CSMD3: variants seen among roughly 807,000 people sequenced by gnomAD.
CSMD3 encodes the protein CUB and Sushi multiple domains 3, also known as CUB and sushi domain-containing protein 3.
In CSMD3, 177 loss-of-function variants were observed where a neutral mutation model predicts 435.2. That is an observed-to-expected ratio of 0.41 (90% CI 0.36 to 0.46). The LOEUF (loss-of-function observed/expected upper bound fraction) is 0.46, where lower values mean the gene tolerates loss of function less well. Among genes scored for constraint, CSMD3 ranks in the 20% least tolerant of loss-of-function variants. The pLI, the probability that CSMD3 is intolerant of heterozygous loss-of-function variation, is 0.34. For synonymous variants in CSMD3, 1,656 were observed against 1,520.5 expected, an observed-to-expected ratio of 1.09 and a Z score of -2.07; for missense variants, 4,265 against 4,504.6, an observed-to-expected ratio of 0.95 and a Z score of 1.52.
At chr8:112,913,296 A>G (rs544629981) in intron 10 of CSMD3, among the ~76,000 whole-genome samples, 43 of 151,884 alleles carry the variant, frequency 2.8e-4, no homozygotes, top group Non-Finnish European at 4.3e-4. Flanking sequence ...GGAGCATGCA[A>G]ACTAGATCCC....
At chr8:112,814,120 A>G (rs1219648147) in intron 12 of CSMD3, among the ~76,000 whole-genome samples, 1 of 152,198 alleles carries the variant, frequency 6.6e-6, no homozygotes, top group Non-Finnish European at 1.5e-5. Flanking sequence ...TTTATATATC[A>G]TCTTGAGGTT....
At chr8:112,713,556 A>T (rs1182825617) in intron 13 of CSMD3, among the ~76,000 whole-genome samples, 1 of 152,022 alleles carries the variant, frequency 6.6e-6, no homozygotes, top group Non-Finnish European at 1.5e-5. Flanking sequence ...CTAACATTCA[A>T]ATTCAGGAAA....
intron 11 of CSMD3, among the ~76,000 whole-genome samples, chr8:112,853,398 G>C (rs1245375966): frequency 6.6e-6 from 1 of 152,006 alleles, no homozygotes; most frequent in African/African-American, 2.4e-5. Context: ...GCTAATTTTT[G>C]TATTTTTAGT....
Position 112,947,851 on chromosome 8 carries a change from A to C in CSMD3, c.1447T>G (p.Ser483Ala), listed in dbSNP as rs866444072. 5.8e-6 allele frequency: 9 copies of C among 1,539,004 alleles called. No homozygotes were observed. Among genetic ancestry groups the C allele is most frequent in the Non-Finnish European group, 8.1e-6 (9 of 1,113,560 alleles). ...TCTCCTGGATCTGGGCATAAATTGG[A>C]AGCTGTTTTAATACCTCCCTCATTT... ...ILNEGGIKTASNLCPDPGEPE... is the reference protein window; with the variant it reads ...ILNEGGIKTAANLCPDPGEPE... Residue 483 changes from serine to alanine, a missense_variant, in exon 9 of 71, where the codon TCC becomes GCC. Ser to Ala is a moderately conservative substitution (Grantham distance 99). This residue lies in a region of CSMD3 where 731 missense variants were observed against 755.4 expected (regional missense o/e 0.97). Coordinates refer to ENST00000297405, the MANE Select transcript of CSMD3 (RefSeq NM_198123.2).
rs185037410 is a variant in CSMD3, at chr8:112,771,065, C to T, written c.1972+29097G>A. Among the ~76,000 whole-genome samples, 503 of 152,206 alleles carry T rather than the reference C, an allele frequency of 3.3e-3. 4 individuals are homozygous for T. Among genetic ancestry groups the T allele is most frequent in the African/African-American group, 0.011 (438 of 41,542 alleles). On this transcript the variant is annotated intron_variant, in intron 13 of 70. Coordinates refer to ENST00000297405, the MANE Select transcript of CSMD3 (RefSeq NM_198123.2). ...AATCAAGGATGAAAATAAAACCATA[C>T]ATGCATGACATATACCTTCAACATT...
intron 13 of CSMD3, among the ~76,000 whole-genome samples, chr8:112,751,988 T>C (rs2077582548): frequency 1.3e-5 from 2 of 152,086 alleles, no homozygotes; most frequent in East Asian, 1.9e-4. Context: ...TCCCACATCA[T>C]GTTTCCAATT....
intron 10 of CSMD3, among the ~76,000 whole-genome samples, chr8:112,908,805 G>T (rs2082330156): frequency 2.6e-5 from 4 of 151,494 alleles, no homozygotes; most frequent in African/African-American, 7.3e-5. Context: ...GTTTTTCTCA[G>T]CATGGTCTTT....
chr8:112,642,863 T>A (rs1049400398), intron 20 of CSMD3, among the ~76,000 whole-genome samples: 1 of 152,194 alleles, frequency 6.6e-6, no homozygotes, highest in African/African-American at 2.4e-5. Context: ...AAAAAGTTAA[T>A]TAACACAAAT....
At chr8:112,864,575 A>G (rs945841639) in intron 10 of CSMD3, among the ~76,000 whole-genome samples, 4 of 152,110 alleles carry the variant, frequency 2.6e-5, no homozygotes, top group Non-Finnish European at 4.4e-5. Flanking sequence ...TATAACAAAA[A>G]TAGTTAGCAA....
chr8:113,220,546 A>G (rs2092954762), intron 3 of CSMD3, among the ~76,000 whole-genome samples: 1 of 151,504 alleles, frequency 6.6e-6, no homozygotes, highest in African/African-American at 2.4e-5. Context: ...TACATATAAA[A>G]TGATCATTTA....
At chr8:112,520,343 T>TGAGATCTTAAGATCTCA (rs1158017373) in intron 27 of CSMD3, among the ~76,000 whole-genome samples, 2 of 152,056 alleles carry the variant, frequency 1.3e-5, no homozygotes, top group Non-Finnish European at 1.5e-5. Context: ...ATGGGTAAAA[T>TGAGATCTTAAGATCTCA]GAGATCTTAA....
At chr8:112,371,930 A>C (rs1828435379) in intron 38 of CSMD3, among the ~76,000 whole-genome samples, 1 of 151,960 alleles carries the variant, frequency 6.6e-6, no homozygotes, top group African/African-American at 2.4e-5. Flanking sequence ...CAAAACAAAA[A>C]TACACACACA....
intron 27 of CSMD3, among the ~76,000 whole-genome samples, chr8:112,542,190 T>C (rs948941885): frequency 1.4e-5 from 2 of 147,420 alleles, no homozygotes; most frequent in Non-Finnish European, 3.0e-5. Flanking sequence ...AGACCACAGC[T>C]AACATCATAC....
intron 3 of CSMD3, among the ~76,000 whole-genome samples, chr8:113,270,365 A>C (rs914244370): frequency 2.6e-5 from 4 of 151,770 alleles, no homozygotes; most frequent in African/African-American, 9.7e-5. Context: ...GAACACTTTT[A>C]CACTGTTGGT....
chr8:112,726,083 A>G (rs2076958095), intron 13 of CSMD3, among the ~76,000 whole-genome samples: 1 of 151,986 alleles, frequency 6.6e-6, no homozygotes, highest in Non-Finnish European at 1.5e-5. Flanking sequence ...CGCAGGAGGA[A>G]CTACCAAAAA....
chr8:113,302,440 A>G (rs1310183599), intron 2 of CSMD3, among the ~76,000 whole-genome samples: 3 of 150,626 alleles, frequency 2.0e-5, no homozygotes, highest in East Asian at 3.9e-4. Flanking sequence ...ACAGATACAG[A>G]GTATATGTAC....
chr8:113,424,580 G>A (rs2094625275), intron 1 of CSMD3, among the ~76,000 whole-genome samples: 1 of 150,280 alleles, frequency 6.7e-6, no homozygotes, highest in Non-Finnish European at 1.5e-5. Flanking sequence ...TGAGACAAGA[G>A]CAAACATTAA....
intron 45 of CSMD3, among the ~76,000 whole-genome samples, chr8:112,330,450 A>G (rs1269723638): frequency 2.6e-5 from 4 of 152,128 alleles, no homozygotes; most frequent in African/African-American, 9.6e-5. Context: ...AATTGGCTTA[A>G]ACACCATAAA....
intron 38 of CSMD3, among the ~76,000 whole-genome samples, chr8:112,363,647 A>G (rs148496629): frequency 6.6e-6 from 1 of 152,118 alleles, no homozygotes; most frequent in Admixed American, 6.6e-5. Context: ...AACCTAGATT[A>G]GGCTAAAACT....
Sources: allele counts gnomAD v4.1 joint callset (sites outside exome capture counted in the v4.1 genomes callset), GRCh38; gene constraint gnomAD v4.1.1; regional missense constraint gnomAD v4.1.1; transcripts MANE v1.5; gene names NCBI Gene and HGNC (gene_info 2026-07-23, HGNC 2026-07-21).